The following TMX3 variants were observed in gnomAD, a reference collection of about 807,000 sequenced individuals.
The protein encoded by TMX3 is protein disulfide-isomerase TMX3.
A neutral mutation model predicts 64.4 loss-of-function variants in TMX3; 40 were observed. The observed-to-expected ratio is 0.62, with a 90% confidence interval of 0.48 to 0.81. TMX3 has a LOEUF of 0.81. Ranked by LOEUF, TMX3 falls within the 30% of genes least tolerant of loss-of-function variation. The pLI is 0.00. For missense variants in TMX3, 497 were observed against 534.5 expected, an observed-to-expected ratio of 0.93 and a Z score of 0.69; for synonymous variants, 189 against 175.7, an observed-to-expected ratio of 1.08 and a Z score of -0.60.
intron 10 of TMX3, chr18:68,686,969 T>C (rs2145034020): frequency 1.0e-6 from 1 of 983,484 alleles, no homozygotes; most frequent in Non-Finnish European, 1.2e-6. Flanking sequence ...CTATGCCTAT[T>C]ACTTACATTA....
chr18:68,707,518 G>A (rs192676954), intron 4 of TMX3, among the ~76,000 whole-genome samples: 186 of 152,236 alleles, frequency 1.2e-3, no homozygotes, highest in African/African-American at 4.3e-3. Flanking sequence ...AATATAGAAT[G>A]TGACAATGAA....
chr18:68,675,398 C>T lies in TMX3; in HGVS notation c.*1535G>A, dbSNP rs1011447689. The stretch of plus-strand genomic sequence containing the variant: ...AGAATAGGTATTTAATTATTAAATA[C>T]TAAAAGAGTACATGGATAAAATAAA... On this transcript the variant is annotated 3_prime_UTR_variant, in exon 16 of 16. Transcript: ENST00000299608. The T allele has an allele frequency of 1.3e-5, 2 of 151,892 alleles. No homozygotes were observed. The highest frequency in any genetic ancestry group is 2.9e-5 in the Non-Finnish European group (2 of 67,976). 9.4% of individuals were successfully genotyped at this position (151,892 alleles called of 1,614,324 possible).
Position 68,710,845 on chromosome 18 carries a change from C to A in TMX3, c.141+519G>T, listed in dbSNP as rs1414683407. On this transcript the variant is annotated intron_variant, in intron 3 of 15. Transcript: ENST00000299608. ...ACAGTGATCTGTCAACTCTGCCATT[C>A]TTTTTCCATCTCTTTTGCTCCTATT... 2.6e-5 allele frequency among the ~76,000 whole-genome samples: 4 copies of A among 152,264 alleles called. No homozygotes were observed. In the East Asian group the frequency reaches 7.7e-4, roughly 29 times the overall value.
intron 4 of TMX3, among the ~76,000 whole-genome samples, chr18:68,702,791 T>C (rs570376879): frequency 3.9e-5 from 6 of 152,316 alleles, no homozygotes; most frequent in African/African-American, 1.4e-4. Context: ...ATCTTTGGTT[T>C]CTCATCAACT....
chr18:68,696,399 T>C (rs425123), intron 8 of TMX3, among the ~76,000 whole-genome samples: 32,124 of 151,836 alleles, frequency 0.21, 5,004 homozygotes, highest in African/African-American at 0.44. Flanking sequence ...GTCTCAAACT[T>C]CTGACCTTGT....
At chr18:68,700,847 A>T (rs2029987550) in intron 5 of TMX3, 3 of 985,028 alleles carry the variant, frequency 3.0e-6, no homozygotes, top group Middle Eastern at 1.0e-3. Flanking sequence ...AAGGACAGGG[A>T]AATAAGAGTA....
chr18:68,682,429 C>G (rs1913524508), intron 13 of TMX3, among the ~76,000 whole-genome samples: 1 of 152,070 alleles, frequency 6.6e-6, no homozygotes, highest in Non-Finnish European at 1.5e-5. Flanking sequence ...CAAATAAATT[C>G]TAGAACAATT....
At chr18:68,681,950 T>A (rs1456450631) in intron 13 of TMX3, among the ~76,000 whole-genome samples, 2 of 152,226 alleles carry the variant, frequency 1.3e-5, no homozygotes, top group Admixed American at 1.3e-4. Flanking sequence ...ATCCCTGTGT[T>A]CTTCATTCAG....
chr18:68,713,961 G>C, intron 1 of TMX3, 61 bp from the exon 2 acceptor site: 1 of 1,224,916 alleles, frequency 8.2e-7, no homozygotes, highest in African/African-American at 1.5e-5. Flanking sequence ...TACCGTATAA[G>C]CTTAGTCATC....
intron 4 of TMX3, among the ~76,000 whole-genome samples, chr18:68,707,657 G>C (rs1281870331): frequency 1.3e-5 from 2 of 152,086 alleles, no homozygotes; most frequent in Admixed American, 1.3e-4. Context: ...ATGACTCGAT[G>C]ACTCCACTGA....
rs1912930927 is a variant in TMX3 at position 68,676,413 on chromosome 18, A to G, written c.*520T>C. 1.3e-5 allele frequency: 2 copies of G among 153,314 alleles called. No individual in the cohort carries two copies. Among genetic ancestry groups the G allele is most frequent in the African/African-American group, 2.4e-5 (1 of 41,450 alleles). 9.5% of individuals were successfully genotyped at this position (153,314 alleles called of 1,614,324 possible). The stretch of plus-strand genomic sequence containing the variant: ...ACTAACAAAATAAAACCACTATGCT[A>G]TATAAAACCACATTATTTTTAACCT... On this transcript the variant is annotated 3_prime_UTR_variant, in exon 16 of 16. Coordinates refer to ENST00000299608, the MANE Select transcript of TMX3 (RefSeq NM_019022.5).
intron 4 of TMX3, among the ~76,000 whole-genome samples, chr18:68,704,355 A>G (rs1320896613): frequency 5.9e-5 from 9 of 152,262 alleles, no homozygotes; most frequent in Admixed American, 5.9e-4. Flanking sequence ...ATTCAGATTA[A>G]GAAACTAAAA....
At chr18:68,689,959 C>T (rs1914352134) in intron 9 of TMX3, 1 of 152,120 alleles carries the variant, frequency 6.6e-6, no homozygotes, top group African/African-American at 2.4e-5. Context: ...TTTTATATGA[C>T]AGCATAAGTG....
intron 4 of TMX3, among the ~76,000 whole-genome samples, chr18:68,703,100 T>C (rs905715616): frequency 2.6e-5 from 4 of 152,200 alleles, no homozygotes; most frequent in Admixed American, 6.5e-5. Context: ...TATGTTCTAA[T>C]TGGAGACTGT....
intron 3 of TMX3, 103 bp from the exon 4 acceptor site, chr18:68,710,247 T>C: frequency 9.4e-7 from 1 of 1,065,866 alleles, no homozygotes; most frequent in Non-Finnish European, 1.3e-6. Flanking sequence ...TTTGACTAAA[T>C]GATCTAATAA....
chr18:68,680,166 C>A (rs371355276), intron 14 of TMX3, among the ~76,000 whole-genome samples: 1 of 152,114 alleles, frequency 6.6e-6, no homozygotes, highest in South Asian at 2.1e-4. Context: ...AACTTCTTCA[C>A]CTTGACCGAA....
chr18:68,688,696 A>C (rs1399512505), intron 9 of TMX3: 2 of 152,212 alleles, frequency 1.3e-5, no homozygotes, highest in East Asian at 3.8e-4. Flanking sequence ...ATAAATTAGG[A>C]AAATAAACAT....
chr18:68,679,592 T>C, intron 14 of TMX3, 61 bp from the exon 15 acceptor site: 1 of 1,421,976 alleles, frequency 7.0e-7, no homozygotes, highest in Non-Finnish European at 9.7e-7. Context: ...TACTTGGTGT[T>C]ACATAACCTT....
chr18:68,713,790 A>AGATAT, intron 2 of TMX3, 56 bp downstream of exon 2: 1 of 862,524 alleles, frequency 1.2e-6, no homozygotes, highest in Non-Finnish European at 1.7e-6. Flanking sequence ...GCAAATATTC[A>AGATAT]GATATCTGAG....
Sources: allele counts gnomAD v4.1 joint callset (sites outside exome capture counted in the v4.1 genomes callset), GRCh38; gene constraint gnomAD v4.1.1; transcripts MANE v1.5; gene names NCBI Gene and HGNC (gene_info 2026-07-23, HGNC 2026-07-21).